TBC1D15: variants seen among roughly 807,000 people sequenced by gnomAD.
The protein encoded by TBC1D15 is GAP for RAB7.
In TBC1D15, 39 loss-of-function variants were observed where a neutral mutation model predicts 95.4. The ratio of observed to expected loss-of-function variants is 0.41; its 90% CI spans 0.32 to 0.53. TBC1D15 has a LOEUF of 0.53. Ranked by LOEUF, TBC1D15 falls within the 20% of genes least tolerant of loss-of-function variation. The probability of loss-of-function intolerance (pLI) is 0.29; values close to 1 mark genes in which losing one functional copy is unlikely to be tolerated. For missense variants in TBC1D15, 733 were observed against 794.3 expected (o/e 0.92, Z 0.93); for synonymous variants, 258 against 261.3 (o/e 0.99, Z 0.12).
chr12:71,901,572 A>G (rs547300455), intron 10 of TBC1D15, among the ~76,000 whole-genome samples: 1 of 152,294 alleles, frequency 6.6e-6, no homozygotes, highest in East Asian at 1.9e-4. Flanking sequence ...TTATGAAACT[A>G]GATTACCTCA....
At chr12:71,858,513 A>C (rs1395933622) in intron 1 of TBC1D15, among the ~76,000 whole-genome samples, 4 of 148,582 alleles carry the variant, frequency 2.7e-5, no homozygotes, top group Non-Finnish European at 5.9e-5. Flanking sequence ...AAATATAGTC[A>C]AAAGTGGGAT....
At chr12:71,850,933 G>C (rs2137927990) in intron 1 of TBC1D15, among the ~76,000 whole-genome samples, 1 of 133,904 alleles carries the variant, frequency 7.5e-6, no homozygotes, top group South Asian at 2.4e-4. Context: ...CTTGTGGTGA[G>C]CCAAGATTGT....
chr12:71,863,160 C>T (rs558880607), intron 1 of TBC1D15, among the ~76,000 whole-genome samples: 10 of 152,148 alleles, frequency 6.6e-5, no homozygotes, highest in African/African-American at 1.7e-4. Context: ...GAGCGGATCA[C>T]GAGGTCAGGA....
intron 5 of TBC1D15, among the ~76,000 whole-genome samples, chr12:71,891,346 A>C (rs894534902): frequency 6.6e-6 from 1 of 152,190 alleles, no homozygotes; most frequent in African/African-American, 2.4e-5. Flanking sequence ...CAAATTGTTT[A>C]GCAGGCTGTA....
intron 5 of TBC1D15, among the ~76,000 whole-genome samples, chr12:71,887,973 AT>A (rs1222847620): frequency 6.6e-6 from 1 of 152,206 alleles, no homozygotes; most frequent in African/African-American, 2.4e-5. Flanking sequence ...CAGATTGGAG[AT>A]TTGCTTTATG....
At chr12:71,887,428 T>C (rs1158281707) in intron 5 of TBC1D15, among the ~76,000 whole-genome samples, 1 of 152,214 alleles carries the variant, frequency 6.6e-6, no homozygotes, top group African/African-American at 2.4e-5. Flanking sequence ...TCCAAACTTC[T>C]TCACTGTCAT....
intron 5 of TBC1D15, among the ~76,000 whole-genome samples, chr12:71,886,253 C>T (rs1896198151): frequency 6.6e-6 from 1 of 152,186 alleles, no homozygotes; most frequent in South Asian, 2.1e-4. Flanking sequence ...ACTGCAACCT[C>T]TGCCTCGTGG....
chr12:71,895,940 T>C lies in TBC1D15; in HGVS notation c.856-7T>C. 1.2e-6 allele frequency: 2 copies of C among 1,610,202 alleles called. No individual in the cohort carries two copies. The highest frequency in any genetic ancestry group is 2.2e-5 in the East Asian group (1 of 44,760). ...ATGTACTTATTATTGCTTAATCTTA[T>C]TTTTAGATTGATTTGGGGGAACGCC... On this transcript the variant is annotated splice_polypyrimidine_tract_variant and splice_region_variant and intron_variant, in intron 7 of 16. Coordinates refer to ENST00000485960, the MANE Select transcript of TBC1D15 (RefSeq NM_001146213.3).
chr12:71,859,074 T>G (rs1161967508), intron 1 of TBC1D15, among the ~76,000 whole-genome samples: 1 of 152,124 alleles, frequency 6.6e-6, no homozygotes, highest in East Asian at 1.9e-4. Context: ...TGTATTTTCT[T>G]GCTAATTAGT....
chr12:71,909,226 G>A (rs1293175949), intron 11 of TBC1D15, among the ~76,000 whole-genome samples: 1 of 152,162 alleles, frequency 6.6e-6, no homozygotes, highest in East Asian at 1.9e-4. Context: ...CCTTATAGAA[G>A]CCAAGATACT....
chr12:71,862,775 C>T (rs754833348), intron 1 of TBC1D15, among the ~76,000 whole-genome samples: 22 of 152,070 alleles, frequency 1.4e-4, no homozygotes, highest in Non-Finnish European at 2.4e-4. Flanking sequence ...TGGTAAGATT[C>T]GATTCTGTTT....
intron 1 of TBC1D15, among the ~76,000 whole-genome samples, chr12:71,846,891 G>T (rs1886423979): frequency 6.6e-6 from 1 of 151,200 alleles, no homozygotes. Context: ...CTCCTGAGTA[G>T]CTGGGACTAA....
intron 1 of TBC1D15, among the ~76,000 whole-genome samples, chr12:71,862,906 G>T (rs777884122): frequency 1.3e-5 from 2 of 152,034 alleles, no homozygotes; most frequent in Non-Finnish European, 2.9e-5. Context: ...TTCTTATAAG[G>T]CCAGTCTAGT....
intron 1 of TBC1D15, among the ~76,000 whole-genome samples, chr12:71,845,898 A>G (rs1886154474): frequency 6.6e-6 from 1 of 152,188 alleles, no homozygotes; most frequent in Non-Finnish European, 1.5e-5. Context: ...AATAAAAATT[A>G]TAATAATCAT....
chr12:71,918,198 T>C (rs1904160968), intron 13 of TBC1D15, among the ~76,000 whole-genome samples: 1 of 152,184 alleles, frequency 6.6e-6, no homozygotes, highest in Non-Finnish European at 1.5e-5. Flanking sequence ...TTGCACTTTC[T>C]TCGGTTCCAT....
chr12:71,906,324 A>C (rs1474897422), intron 10 of TBC1D15, among the ~76,000 whole-genome samples: 1 of 152,366 alleles, frequency 6.6e-6, no homozygotes, highest in African/African-American at 2.4e-5. Context: ...GAGAGATTCA[A>C]GTTTGGAGAA....
chr12:71,841,074 T>A (rs1456457924), intron 1 of TBC1D15: 4 of 152,182 alleles, frequency 2.6e-5, no homozygotes, highest in Admixed American at 2.6e-4. Flanking sequence ...TTGGTTGTCT[T>A]GTCAGTTTTT....
chr12:71,893,120 GTT>G (rs77560730), intron 5 of TBC1D15, 100 bp from the exon 6 acceptor site: 802 of 456,926 alleles, frequency 1.8e-3, no homozygotes, highest in Middle Eastern at 3.2e-3. Flanking sequence ...AATATTTTGG[GTT>G]TTTTTTTTTT....
At chr12:71,911,635 A>AG (rs1902370490) in intron 11 of TBC1D15, among the ~76,000 whole-genome samples, 1 of 73,818 alleles carries the variant, frequency 1.4e-5, no homozygotes, top group Admixed American at 2.0e-4. Flanking sequence ...GGGTGGGGGG[A>AG]GGGGGGAGGG....
Sources: allele counts gnomAD v4.1 joint callset (sites outside exome capture counted in the v4.1 genomes callset), GRCh38; gene constraint gnomAD v4.1.1; transcripts MANE v1.5; gene names NCBI Gene and HGNC (gene_info 2026-07-23, HGNC 2026-07-21).